Variants in LARS2 observed in about 807,000 individuals in gnomAD.
LARS2 encodes leucyl-tRNA synthetase 2, mitochondrial.
Under a neutral mutation model 116.6 loss-of-function variants are expected in LARS2, and 81 were observed. That is an observed-to-expected ratio of 0.69 (90% CI 0.58 to 0.84). The LOEUF (loss-of-function observed/expected upper bound fraction) is 0.84, where lower values mean the gene tolerates loss of function less well. LARS2 is among the 40% of genes least tolerant of loss of function. The pLI is 0.00. For missense variants in LARS2, 968 were observed against 1,114.5 expected (o/e 0.87, Z 1.87); for synonymous variants, 396 against 407.2 (o/e 0.97, Z 0.33).
At chr3:45,472,828 T>C (rs1008757479) in intron 8 of LARS2, among the ~76,000 whole-genome samples, 1 of 152,212 alleles carries the variant, frequency 6.6e-6, no homozygotes, top group Non-Finnish European at 1.5e-5. Flanking sequence ...TCATCTGGGA[T>C]GTGGAGTATT....
At chr3:45,434,391 TA>T (rs1698767492) in intron 6 of LARS2, among the ~76,000 whole-genome samples, 1 of 152,234 alleles carries the variant, frequency 6.6e-6, no homozygotes, top group Non-Finnish European at 1.5e-5. Flanking sequence ...ACTGAGCTTT[TA>T]TTTGTGTTAC....
intron 7 of LARS2, among the ~76,000 whole-genome samples, chr3:45,454,070 A>G (rs1699177733): frequency 6.6e-6 from 1 of 152,104 alleles, no homozygotes; most frequent in African/African-American, 2.4e-5. Flanking sequence ...GAGGAATGGT[A>G]ATGATGAGAT....
At chr3:45,426,209 T>C (rs934618376) in intron 6 of LARS2, among the ~76,000 whole-genome samples, 7 of 152,210 alleles carry the variant, frequency 4.6e-5, no homozygotes, top group Non-Finnish European at 1.0e-4. Flanking sequence ...TCCGGAATAA[T>C]AGAAAGACAT....
chr3:45,520,158 C>A (rs900271570), intron 18 of LARS2, 61 bp from the exon 19 acceptor site: 52 of 1,203,798 alleles, frequency 4.3e-5, no homozygotes, highest in Non-Finnish European at 5.7e-5. Context: ...ATAATTCAGT[C>A]TTTTTGTGGA....
intron 9 of LARS2, among the ~76,000 whole-genome samples, chr3:45,475,252 A>G (rs971882098): frequency 9.9e-5 from 15 of 152,148 alleles, no homozygotes; most frequent in African/African-American, 3.4e-4. Flanking sequence ...GGTGTCTGCA[A>G]GCACCTGCCG....
At chr3:45,471,040 T>TAA (rs55749404) in intron 8 of LARS2, among the ~76,000 whole-genome samples, 3 of 43,812 alleles carry the variant, frequency 6.8e-5, no homozygotes, top group African/African-American at 2.8e-4. Context: ...ATTACAACAC[T>TAA]AAAAAAAAAA....
chr3:45,541,985 C>A (rs777601507), intron 21 of LARS2, 29 bp downstream of exon 21: 55 of 1,612,384 alleles, frequency 3.4e-5, no homozygotes, highest in Non-Finnish European at 4.2e-5. Flanking sequence ...CCCCAGAACC[C>A]AGCAGTCCCT....
At chr3:45,517,515 AC>A (rs1196666792) in intron 17 of LARS2, among the ~76,000 whole-genome samples, 2 of 152,206 alleles carry the variant, frequency 1.3e-5, no homozygotes, top group Non-Finnish European at 2.9e-5. Context: ...AAGAGCTTGC[AC>A]CAGCAGGAGT....
At chr3:45,474,770 A>G (rs1699584917) in intron 9 of LARS2, among the ~76,000 whole-genome samples, 1 of 152,158 alleles carries the variant, frequency 6.6e-6, no homozygotes, top group South Asian at 2.1e-4. Context: ...GAACTCCCTG[A>G]AGTTTTATGT....
At chr3:45,464,241 G>C (rs572078464) in intron 8 of LARS2, among the ~76,000 whole-genome samples, 1 of 152,292 alleles carries the variant, frequency 6.6e-6, no homozygotes, top group South Asian at 2.1e-4. Flanking sequence ...AGGGAAGTTT[G>C]TGCCAGGAGT....
At chr3:45,441,486 A>G (rs1698910682) in intron 6 of LARS2, among the ~76,000 whole-genome samples, 1 of 152,106 alleles carries the variant, frequency 6.6e-6, no homozygotes, top group Non-Finnish European at 1.5e-5. Context: ...GCCACAAACT[A>G]GTGAGGATGC....
At chr3:45,396,788 T>C (rs1370676384) in intron 3 of LARS2, among the ~76,000 whole-genome samples, 3 of 152,168 alleles carry the variant, frequency 2.0e-5, no homozygotes, top group Admixed American at 2.0e-4. Context: ...AAGGTTTAGG[T>C]AATTTGCCAA....
chr3:45,448,806 G>A (rs1699064288), intron 7 of LARS2, among the ~76,000 whole-genome samples: 1 of 152,236 alleles, frequency 6.6e-6, no homozygotes. Context: ...GGCAGGCCAG[G>A]TGTTCCTTGC....
intron 15 of LARS2, among the ~76,000 whole-genome samples, chr3:45,511,614 C>G (rs938423409): frequency 1.3e-5 from 2 of 151,734 alleles, no homozygotes; most frequent in African/African-American, 4.8e-5. Context: ...GCAAAAGTTG[C>G]AGCCTTAGGC....
At chr3:45,474,626 TAC>T (rs1307645224) in intron 9 of LARS2, among the ~76,000 whole-genome samples, 4 of 152,226 alleles carry the variant, frequency 2.6e-5, no homozygotes, top group Admixed American at 1.3e-4. Flanking sequence ...TACATTTTAG[TAC>T]AGTCTTTGAA....
intron 8 of LARS2, among the ~76,000 whole-genome samples, chr3:45,464,697 C>T (rs1559477839): frequency 6.6e-6 from 1 of 152,156 alleles, no homozygotes; most frequent in Non-Finnish European, 1.5e-5. Context: ...CCTGTGTGTG[C>T]ATACTGCGCC....
intron 6 of LARS2, 108 bp downstream of exon 6, chr3:45,419,837 G>A (rs759527983): frequency 1.5e-4 from 127 of 851,602 alleles, no homozygotes; most frequent in Non-Finnish European, 1.0e-4. Flanking sequence ...TGGGAGGCAG[G>A]AAGCAGGAGG....
At chr3:45,415,711 G>C (rs1698401795) in intron 4 of LARS2, among the ~76,000 whole-genome samples, 1 of 152,012 alleles carries the variant, frequency 6.6e-6, no homozygotes, top group East Asian at 1.9e-4. Flanking sequence ...AGCCGGGTGT[G>C]GGGGTATGTG....
chr3:45,400,288 C>G lies in LARS2; in HGVS notation c.278C>G (p.Pro93Arg), dbSNP rs767253820. 6.2e-7 allele frequency: 1 copy of G among 1,613,886 alleles called. No individual in the cohort carries two copies. The highest frequency in any genetic ancestry group is 1.1e-5 in the South Asian group (1 of 91,024). The change falls in exon 4 of 22, where the codon CCT becomes CGT. Residue 93 changes from proline (P) to arginine (R), a missense_variant. Transcript: ENST00000645846. The stretch of plus-strand genomic sequence containing the variant: ...TACGTGCTTTCCATGTTCCCTTATC[C>G]TTCTGGTAAGCTGCACATGGGCCAT... ...KFYVLSMFPY[P>R]SGKLHMGHVR...
Sources: allele counts gnomAD v4.1 joint callset (sites outside exome capture counted in the v4.1 genomes callset), GRCh38; gene constraint gnomAD v4.1.1; transcripts MANE v1.5; gene names NCBI Gene and HGNC (gene_info 2026-07-23, HGNC 2026-07-21).